The following GULP1 variants were observed in gnomAD, a reference collection of about 807,000 sequenced individuals.
GULP1 encodes GULP PTB domain containing engulfment adaptor 1, also known as PTB domain-containing engulfment adapter protein 1.
A neutral mutation model predicts 40.9 loss-of-function variants in GULP1; 19 were observed. The observed-to-expected ratio is 0.46, with a 90% CI of 0.32 to 0.68. The LOEUF (loss-of-function observed/expected upper bound fraction) is 0.68. Ranked by LOEUF, GULP1 falls within the 30% of genes least tolerant of loss-of-function variation. The probability of loss-of-function intolerance (pLI) is 0.03; values close to 1 mark genes in which losing one functional copy is unlikely to be tolerated. For missense variants in GULP1, 312 were observed against 362.2 expected (o/e 0.86, Z 1.12); for synonymous variants, 119 against 117.6 (o/e 1.01, Z -0.08).
intron 4 of GULP1, among the ~76,000 whole-genome samples, chr2:188,520,996 G>T (rs1288546101): frequency 6.6e-6 from 1 of 151,974 alleles, no homozygotes; most frequent in East Asian, 1.9e-4. Flanking sequence ...CTTCTATTCT[G>T]TAAGTTAATA....
At chr2:188,320,078 C>T (rs1196177384) in intron 1 of GULP1, among the ~76,000 whole-genome samples, 1 of 152,086 alleles carries the variant, frequency 6.6e-6, no homozygotes, top group East Asian at 1.9e-4. Context: ...GGCAAAATGT[C>T]TCTAGATGTT....
At chr2:188,530,477 A>T (rs74924226) in intron 6 of GULP1, among the ~76,000 whole-genome samples, 1,671 of 152,332 alleles carry the variant, frequency 0.011, 39 homozygotes, top group African/African-American at 0.038. Flanking sequence ...AACCCCTAAT[A>T]TGACTATATT....
intron 4 of GULP1, among the ~76,000 whole-genome samples, chr2:188,513,498 G>C (rs1037557717): frequency 6.6e-6 from 1 of 152,002 alleles, no homozygotes; most frequent in African/African-American, 2.4e-5. Context: ...GTCATTGGCC[G>C]ATCACTTTTA....
At chr2:188,562,209 C>G (rs1696485632) in intron 7 of GULP1, among the ~76,000 whole-genome samples, 1 of 152,200 alleles carries the variant, frequency 6.6e-6, no homozygotes, top group Non-Finnish European at 1.5e-5. Context: ...GGGAGCAGTT[C>G]TATCACATGG....
chr2:188,388,732 C>T (rs1290287795), intron 2 of GULP1, among the ~76,000 whole-genome samples: 4 of 152,086 alleles, frequency 2.6e-5, no homozygotes, highest in East Asian at 1.9e-4. Flanking sequence ...GAAAATAAAA[C>T]GATGAAGACA....
chr2:188,518,373 G>A (rs960828594), intron 4 of GULP1, among the ~76,000 whole-genome samples: 8 of 151,944 alleles, frequency 5.3e-5, no homozygotes, highest in African/African-American at 1.7e-4. Flanking sequence ...ATACCTTAGC[G>A]TTTACCTCAC....
intron 2 of GULP1, among the ~76,000 whole-genome samples, chr2:188,433,956 A>G (rs2057163180): frequency 6.6e-6 from 1 of 151,948 alleles, no homozygotes; most frequent in East Asian, 1.9e-4. Flanking sequence ...TTATAGGTAA[A>G]CAATGGGGTC....
At chr2:188,459,959 G>A (rs951110961) in intron 2 of GULP1, among the ~76,000 whole-genome samples, 3 of 152,036 alleles carry the variant, frequency 2.0e-5, no homozygotes, top group South Asian at 2.1e-4. Flanking sequence ...CTGTAGGTGC[G>A]TGGATTTATT....
chr2:188,515,736 C>T (rs575782241), intron 4 of GULP1, among the ~76,000 whole-genome samples: 2 of 151,482 alleles, frequency 1.3e-5, no homozygotes, highest in South Asian at 4.2e-4. Flanking sequence ...CACACACACT[C>T]ATGAGGATAA....
intron 2 of GULP1, among the ~76,000 whole-genome samples, chr2:188,407,709 A>T (rs188042063): frequency 7.2e-5 from 11 of 152,340 alleles, no homozygotes; most frequent in Non-Finnish European, 1.3e-4. Context: ...AAAGGAAGAC[A>T]GCAACAAAGG....
chr2:188,339,453 C>T (rs1029524042), intron 1 of GULP1, among the ~76,000 whole-genome samples: 11 of 152,108 alleles, frequency 7.2e-5, no homozygotes, highest in African/African-American at 2.2e-4. Flanking sequence ...CACCCTAGAA[C>T]ATCTTTTTGG....
chr2:188,512,779 T>C (rs533102090), intron 4 of GULP1, among the ~76,000 whole-genome samples: 1 of 152,076 alleles, frequency 6.6e-6, no homozygotes, highest in Admixed American at 6.5e-5. Context: ...TTTTGTTAAA[T>C]AGAATACAGT....
chr2:188,568,584 T>C (rs1021765986), intron 7 of GULP1, among the ~76,000 whole-genome samples: 2 of 152,210 alleles, frequency 1.3e-5, no homozygotes, highest in African/African-American at 4.8e-5. Flanking sequence ...ACAAACTGTT[T>C]ACCATCGCTT....
intron 4 of GULP1, among the ~76,000 whole-genome samples, chr2:188,495,076 C>A (rs1433774436): frequency 6.6e-6 from 1 of 152,036 alleles, no homozygotes; most frequent in African/African-American, 2.4e-5. Flanking sequence ...AGTATGTATG[C>A]TTTCACTAGA....
At chr2:188,570,646 T>C (rs1698823792) in intron 9 of GULP1, among the ~76,000 whole-genome samples, 1 of 152,220 alleles carries the variant, frequency 6.6e-6, no homozygotes, top group Non-Finnish European at 1.5e-5. Flanking sequence ...AAAATATTTA[T>C]GTCTGACTTG....
intron 9 of GULP1, among the ~76,000 whole-genome samples, chr2:188,571,091 T>C (rs1698932396): frequency 6.6e-6 from 1 of 152,072 alleles, no homozygotes; most frequent in South Asian, 2.1e-4. Context: ...CCAGAGGTCA[T>C]GGCTGCAGTG....
chr2:188,364,752 CATATACATATATACATATATACATGAT>C (rs891262430), intron 1 of GULP1, among the ~76,000 whole-genome samples: 5 of 148,178 alleles, frequency 3.4e-5, no homozygotes, highest in Admixed American at 2.0e-4. Context: ...ATATATGATA[CATATACATATATACATATATACATGAT>C]ATATATACAT....
chr2:188,473,569 C>A (rs1490278193), intron 2 of GULP1, among the ~76,000 whole-genome samples: 1 of 152,160 alleles, frequency 6.6e-6, no homozygotes, highest in African/African-American at 2.4e-5. Flanking sequence ...TACAGGCCTG[C>A]AGTGAGTACT....
chr2:188,409,611 G>A (rs1025824390), intron 2 of GULP1, among the ~76,000 whole-genome samples: 1 of 151,830 alleles, frequency 6.6e-6, no homozygotes, highest in Non-Finnish European at 1.5e-5. Context: ...CATTTTATGA[G>A]GCCAGCATTA....
Sources: allele counts gnomAD v4.1 joint callset (sites outside exome capture counted in the v4.1 genomes callset), GRCh38; gene constraint gnomAD v4.1.1; transcripts MANE v1.5; gene names NCBI Gene and HGNC (gene_info 2026-07-23, HGNC 2026-07-21).